Variants in CAND1 observed in about 807,000 individuals in gnomAD.
CAND1 encodes the protein cullin-associated NEDD8-dissociated protein 1.
A neutral mutation model predicts 108.5 loss-of-function variants in CAND1; 7 were observed. The observed-to-expected ratio is 0.06, with a 90% CI of 0.04 to 0.12. CAND1 has a LOEUF of 0.12. CAND1 is among the 10% of genes least tolerant of loss of function. The pLI is 1.00. For missense variants in CAND1, 941 were observed against 1,448.7 expected (o/e 0.65, Z 5.69); for synonymous variants, 534 against 512.0 (o/e 1.04, Z -0.58).
At chr12:67,294,857 T>A (rs1320339312) in intron 3 of CAND1, 176 bp from the exon 4 acceptor site, 2 of 456,262 alleles carry the variant, frequency 4.4e-6, no homozygotes, top group Non-Finnish European at 7.5e-6. Context: ...CTTGTTTATT[T>A]CTATAAGTCA....
At chr12:67,284,025 A>G (rs1380040733) in intron 2 of CAND1, among the ~76,000 whole-genome samples, 1 of 152,198 alleles carries the variant, frequency 6.6e-6, no homozygotes, top group Non-Finnish European at 1.5e-5. Context: ...AGCCATATCA[A>G]TTATTAAGCA....
At position 67,314,533 on chromosome 12, in the gene CAND1, T is replaced by G. The variant is rs1478746531; in HGVS notation, c.*1703T>G. ...TGTTAGTATATTATGTACTATGCAT[T>G]TCTGTGGTATAGATGTTGTGGATAT... is the stretch of plus-strand genomic sequence containing the variant. On this transcript the variant is annotated 3_prime_UTR_variant, in exon 15 of 15. Transcript: ENST00000545606. 6.6e-6 allele frequency: 1 copy of G among 152,196 alleles called. No individual in the cohort carries two copies. The highest frequency in any genetic ancestry group is 1.5e-5 in the Non-Finnish European group (1 of 68,020). 9.4% of individuals were successfully genotyped at this position (152,196 alleles called of 1,614,324 possible).
intron 4 of CAND1, among the ~76,000 whole-genome samples, chr12:67,296,677 C>T (rs940019279): frequency 2.6e-5 from 4 of 152,026 alleles, no homozygotes; most frequent in Non-Finnish European, 5.9e-5. Context: ...TCAAGTTATC[C>T]ACCCGCCTGA....
At chr12:67,286,393 GTCTA>G (rs1013016684) in intron 2 of CAND1, among the ~76,000 whole-genome samples, 2 of 152,124 alleles carry the variant, frequency 1.3e-5, no homozygotes, top group African/African-American at 2.4e-5. Context: ...GTTTCCCAAA[GTCTA>G]TCTACCACTT....
At chr12:67,271,360 A>G (rs1400573389) in intron 1 of CAND1, among the ~76,000 whole-genome samples, 2 of 152,112 alleles carry the variant, frequency 1.3e-5, no homozygotes, top group African/African-American at 2.4e-5. Flanking sequence ...TTTCCTCCCC[A>G]TTGCTGTCAG....
chr12:67,298,561 AC>A (rs2044791932), intron 6 of CAND1, among the ~76,000 whole-genome samples: 1 of 152,170 alleles, frequency 6.6e-6, no homozygotes, highest in Non-Finnish European at 1.5e-5. Flanking sequence ...TCCTCTCATT[AC>A]ATCGGTAGAA....
At position 67,311,749 on chromosome 12, in the gene CAND1, G is replaced by A. The variant is rs376321259; in HGVS notation, c.3417G>A (p.Leu1139=). 1.1e-5 allele frequency: 18 copies of A among 1,612,296 alleles called. No individual in the cohort carries two copies. Among genetic ancestry groups the A allele is most frequent in the East Asian group, 2.2e-5 (1 of 44,806 alleles). ...CTACCCTTTGTCCAAGTGCAGTACT[G>A]CAGAGGTTGGACCGACTTGTTGAGC... ...RLSTLCPSAV[L]QRLDRLVEPL... is the part of the protein sequence containing the mutation. The change falls in exon 14 of 15, where the codon CTG becomes CTA. Residue 1139 remains leucine, a synonymous_variant. Coordinates refer to ENST00000545606, the MANE Select transcript of CAND1 (RefSeq NM_018448.5).
intron 1 of CAND1, among the ~76,000 whole-genome samples, chr12:67,280,929 C>A (rs2044613851): frequency 1.3e-5 from 2 of 151,978 alleles, no homozygotes; most frequent in Admixed American, 1.3e-4. Flanking sequence ...TTTAGAATCA[C>A]CTCTTCACTA....
Position 67,270,000 on chromosome 12 carries a change from T to G in CAND1, c.68+215T>G. ...CCCCCCATTCTTTCTCCTAGGCAGT[T>G]GCCCGCCGCGGTCTCTAGGCCCCGT... On this transcript the variant is annotated intron_variant, in intron 1 of 14. Coordinates refer to ENST00000545606, the MANE Select transcript of CAND1 (RefSeq NM_018448.5). The G allele has an allele frequency of 1.2e-5, 6 of 511,296 alleles. No individual in the cohort carries two copies. The South Asian group carries it at 1.6e-4, about 14-fold the overall frequency. The allele number at this position is 511,296 out of a possible 1,614,324, so 31.7% of individuals were successfully genotyped here.
chr12:67,312,471 A>T, intron 14 of CAND1, 135 bp from the exon 15 acceptor site: 1 of 505,588 alleles, frequency 2.0e-6, no homozygotes, highest in Admixed American at 3.7e-5. Flanking sequence ...GTTTAAAAAC[A>T]GTTGTTCTTA....
chr12:67,295,285 C>A, intron 4 of CAND1, 129 bp downstream of exon 4: 2 of 773,786 alleles, frequency 2.6e-6, no homozygotes, highest in South Asian at 2.2e-5. Flanking sequence ...GCTGTTTTAT[C>A]AATTTGTGTG....
intron 7 of CAND1, among the ~76,000 whole-genome samples, chr12:67,300,402 G>C (rs1232649418): frequency 6.6e-6 from 1 of 152,054 alleles, no homozygotes; most frequent in Non-Finnish European, 1.5e-5. Flanking sequence ...AGATTCATAT[G>C]CAACTGCTTA....
intron 1 of CAND1, 156 bp downstream of exon 1, chr12:67,269,941 G>A (rs2044501855): frequency 3.4e-6 from 2 of 590,142 alleles, no homozygotes; most frequent in East Asian, 3.5e-5. Context: ...CGATCCCTGC[G>A]GAGCCCCTTT....
At chr12:67,307,601 A>G in intron 11 of CAND1, 109 bp downstream of exon 11, 2 of 698,292 alleles carry the variant, frequency 2.9e-6, no homozygotes, top group South Asian at 1.8e-5. Context: ...TTATAAAATA[A>G]TTGTTTAAAA....
chr12:67,306,052 CTTA>C lies in CAND1; in HGVS notation c.2390_2392del (p.Tyr797del), dbSNP rs759622990. On this transcript the variant is annotated inframe_deletion, in exon 10 of 15. Transcript: ENST00000545606. ...AGCACAGCTCTTACTCATAAGCAGT[CTTA>C]TTATTCCATTGCCAAATGTGTAGCT... 1.2e-6 allele frequency: 2 copies of C among 1,613,980 alleles called. No homozygotes were observed. The highest frequency in any genetic ancestry group is 1.3e-5 in the African/African-American group (1 of 74,920).
In CAND1 at chr12:67,298,003, T is replaced by C. The variant is rs1186511215; in HGVS notation, c.854+150T>C. The C allele has an allele frequency of 3.4e-5, 16 of 475,572 alleles. No individual in the cohort carries two copies. The South Asian group carries it at 7.6e-4, about 23-fold the overall frequency. The allele number at this position is 475,572 out of a possible 1,614,324, so 29.5% of individuals were successfully genotyped here. On this transcript the variant is annotated intron_variant, in intron 6 of 14. Transcript: ENST00000545606. ...TTTGAAACTAATGTCATCTTGCTAT[T>C]ATAAAATGTGGTCATCACATTTATT...
chr12:67,287,034 A>G (rs1046096055), intron 2 of CAND1, among the ~76,000 whole-genome samples: 5 of 152,202 alleles, frequency 3.3e-5, no homozygotes, highest in African/African-American at 1.2e-4. Flanking sequence ...TACCAGTACA[A>G]CAGTTGCATT....
At chr12:67,310,128 A>T (rs1191815250) in intron 12 of CAND1, 24 bp from the exon 13 acceptor site, 2 of 1,610,724 alleles carry the variant, frequency 1.2e-6, no homozygotes. Flanking sequence ...TTGTATATCC[A>T]CACGTTCTTT....
chr12:67,292,842 T>TC (rs2044734972), intron 3 of CAND1, 66 bp downstream of exon 3: 2 of 1,528,494 alleles, frequency 1.3e-6, no homozygotes, highest in African/African-American at 1.4e-5. Context: ...CACCCTTTTT[T>TC]CCCCTTCTGG....
Sources: gnomAD v4.1 joint callset for allele counts (sites outside exome capture counted in the v4.1 genomes callset) on GRCh38, gnomAD v4.1.1 for gene constraint, MANE v1.5 for transcripts, NCBI Gene and HGNC (gene_info 2026-07-23, HGNC 2026-07-21) for gene names.